Variants in RILPL1 observed in about 807,000 individuals in gnomAD.
The protein encoded by RILPL1 is RILP-like protein 1.
Under a neutral mutation model 50.3 loss-of-function variants are expected in RILPL1, and 33 were observed. The ratio of observed to expected loss-of-function variants is 0.66; its 90% CI spans 0.50 to 0.88. RILPL1 has a LOEUF of 0.88. RILPL1 is among the 40% of genes least tolerant of loss of function. RILPL1 has a pLI of 0.00. For missense variants in RILPL1, 418 were observed against 542.5 expected (o/e 0.77, Z 2.28); for synonymous variants, 205 against 228.6 (o/e 0.90, Z 0.93).
intron 6 of RILPL1, chr12:123,475,009 T>C (rs1881495200): frequency 6.6e-6 from 1 of 152,454 alleles, no homozygotes; most frequent in Non-Finnish European, 1.5e-5. Flanking sequence ...AGATGCCTTT[T>C]CTCTGTGACA....
chr12:123,501,124 A>T (rs1372710645), intron 2 of RILPL1, among the ~76,000 whole-genome samples: 1 of 151,572 alleles, frequency 6.6e-6, no homozygotes, highest in Non-Finnish European at 1.5e-5. Context: ...TAAAAAGTAA[A>T]TAAAATTTAA....
At chr12:123,505,300 G>A (rs888106085) in intron 2 of RILPL1, among the ~76,000 whole-genome samples, 13 of 152,252 alleles carry the variant, frequency 8.5e-5, no homozygotes, top group African/African-American at 3.1e-4. Flanking sequence ...CCAAAGTGCT[G>A]GGATTACAGG....
At chr12:123,490,120 TC>T (rs1421635241) in intron 4 of RILPL1, among the ~76,000 whole-genome samples, 1 of 151,888 alleles carries the variant, frequency 6.6e-6, no homozygotes, top group Non-Finnish European at 1.5e-5. Context: ...CTCCCTCCAG[TC>T]CCTTCCTCCT....
intron 2 of RILPL1, among the ~76,000 whole-genome samples, chr12:123,503,783 C>T (rs1195622794): frequency 8.6e-5 from 13 of 151,852 alleles, no homozygotes; most frequent in Admixed American, 6.6e-4. Context: ...GGGTGGATCA[C>T]GAGGTCAGGA....
intron 6 of RILPL1, among the ~76,000 whole-genome samples, chr12:123,483,812 G>C (rs1882148410): frequency 6.6e-6 from 1 of 152,142 alleles, no homozygotes; most frequent in South Asian, 2.1e-4. Context: ...TCTCAGAGCT[G>C]AGGTCTCAAG....
chr12:123,521,641 G>A (rs1287940574), intron 2 of RILPL1, among the ~76,000 whole-genome samples: 11 of 13,762 alleles, frequency 8.0e-4, no homozygotes, highest in South Asian at 2.5e-3. Context: ...ACACATATGT[G>A]TATATATATA....
intron 1 of RILPL1, among the ~76,000 whole-genome samples, chr12:123,524,891 G>C (rs1225758441): frequency 1.3e-5 from 2 of 152,156 alleles, no homozygotes; most frequent in African/African-American, 4.8e-5. Context: ...CCAGCACTTG[G>C]GAGGCCAAGG....
At chr12:123,477,234 G>A (rs1488873275) in intron 6 of RILPL1, among the ~76,000 whole-genome samples, 1 of 151,900 alleles carries the variant, frequency 6.6e-6, no homozygotes, top group Non-Finnish European at 1.5e-5. Flanking sequence ...TAAAATAATT[G>A]TCTCAAATGA....
rs1214389210 is a variant in RILPL1, at chr12:123,485,988, G to A, written c.802-183C>T. Among the ~76,000 whole-genome samples the A allele has an allele frequency of 6.6e-6, 1 of 152,176 alleles. No homozygotes were observed. The highest frequency in any genetic ancestry group is 1.5e-5 in the Non-Finnish European group (1 of 68,034). ...GTACAGTTTCCCTCTGGAGGTGGAAGCCAGCAGCCACCTGTTCATTGTTCG... is the reference window on the plus strand; with the variant it reads ...GTACAGTTTCCCTCTGGAGGTGGAAACCAGCAGCCACCTGTTCATTGTTCG... On this transcript the variant is annotated intron_variant, in intron 4 of 6. Transcript: ENST00000376874. The surrounding 1 kb of genome is among the most constrained non-coding windows in gnomAD (Gnocchi z 4.0).
In RILPL1 at chr12:123,489,048, T is replaced by C. The variant is rs1484741539; in HGVS notation, c.802-3243A>G. On this transcript the variant is annotated intron_variant, in intron 4 of 6. Coordinates refer to ENST00000376874, the MANE Select transcript of RILPL1 (RefSeq NM_178314.5). This position sits in a 1 kb window ranked among gnomAD's most constrained non-coding sequence, Gnocchi z 4.0. ...GACCACATACAACAGGTGACGGATA[T>C]GCGGCCGGCATTCAATCGCGCCAGT... Among the ~76,000 whole-genome samples the C allele has an allele frequency of 6.6e-6, 1 of 152,112 alleles. No homozygotes were observed. Among genetic ancestry groups the C allele is most frequent in the Non-Finnish European group, 1.5e-5 (1 of 68,012 alleles).
In RILPL1 at chr12:123,511,288, GTA is replaced by G. The variant is rs1367951393; in HGVS notation, c.461-11754_461-11753del. ...TGTGTGTGGTGTGTGCAGTGTGAGT[GTA>G]TGTCTGTGCGGTGGCATCTGTGTGT... On this transcript the variant is annotated intron_variant, in intron 2 of 6. Transcript: ENST00000376874. Among the ~76,000 whole-genome samples, 9 of 146,472 alleles carry G rather than the reference GTA, an allele frequency of 6.1e-5. No individual in the cohort carries two copies. The East Asian group carries it at 1.9e-3, about 31-fold the overall frequency.
At chr12:123,490,158 A>G (rs148187875) in intron 4 of RILPL1, among the ~76,000 whole-genome samples, 16 of 152,054 alleles carry the variant, frequency 1.1e-4, no homozygotes, top group Non-Finnish European at 2.2e-4. Context: ...TGCCTTTCAT[A>G]GCAGGTCAGG....
At position 123,481,559 on chromosome 12, in the gene RILPL1, C is replaced by CTT. The variant is rs113872165; in HGVS notation, c.1067+2619_1067+2620dup. ...TTAGTTCCTTAGCCAAATTTGTTTT[C>CTT]TTTTTTTTTTTTTTGAGGCGGAGTT... On this transcript the variant is annotated intron_variant, in intron 6 of 6. Transcript: ENST00000376874. Among the ~76,000 whole-genome samples the CTT allele has an allele frequency of 8.2e-3, 1,165 of 141,886 alleles. 21 individuals carry two copies. Among genetic ancestry groups the CTT allele is most frequent in the African/African-American group, 0.027 (1,059 of 38,830 alleles). The allele number at this position is 141,886 out of a possible 152,430, so 93.1% of individuals were successfully genotyped here. A position where few individuals can be genotyped will look rare whatever the true frequency, so the allele number is the denominator to read the frequency against.
chr12:123,511,458 G>A (rs575687165), intron 2 of RILPL1, among the ~76,000 whole-genome samples: 3 of 147,740 alleles, frequency 2.0e-5, no homozygotes, highest in East Asian at 4.1e-4. Context: ...TGTGGTGTGT[G>A]TGTGAGGTCT....
chr12:123,523,377 G>T, intron 2 of RILPL1, 118 bp downstream of exon 2: 1 of 1,194,646 alleles, frequency 8.4e-7, no homozygotes. Flanking sequence ...GAAGGCAAAG[G>T]GCTTTGGGAA....
intron 2 of RILPL1, among the ~76,000 whole-genome samples, chr12:123,516,814 A>G (rs1324404095): frequency 6.6e-6 from 1 of 152,182 alleles, no homozygotes; most frequent in East Asian, 1.9e-4. Flanking sequence ...TAATCCCAGC[A>G]CTTTGGGAGA....
chr12:123,504,777 A>AT (rs966433181), intron 2 of RILPL1, among the ~76,000 whole-genome samples: 22 of 151,538 alleles, frequency 1.5e-4, no homozygotes, highest in Middle Eastern at 6.8e-3. Flanking sequence ...GCCCAGAGAT[A>AT]TTTTTTTTTC....
intron 2 of RILPL1, among the ~76,000 whole-genome samples, chr12:123,519,056 C>CAAAAAAA (rs71652717): frequency 6.2e-4 from 36 of 58,284 alleles, no homozygotes; most frequent in Admixed American, 1.1e-3. Context: ...GACTCCATCT[C>CAAAAAAA]AAAAAAAAAA....
rs184541763 is a variant in RILPL1, at chr12:123,532,617, G to A, written c.309+557C>T. Among the ~76,000 whole-genome samples the A allele has an allele frequency of 7.5e-5, 11 of 146,894 alleles. 1 individual carries two copies. The highest frequency in any genetic ancestry group is 5.8e-4 in the Admixed American group (8 of 13,796). On this transcript the variant is annotated intron_variant, in intron 1 of 6. Transcript: ENST00000376874. ...AGGTTCATAAGCTAGGGGAGTCCCG[G>A]GAAGAAAGTTGCAAATATGAACCCG... is the stretch of plus-strand genomic sequence containing the variant.
Sources: gnomAD v4.1 joint callset for allele counts (sites outside exome capture counted in the v4.1 genomes callset) on GRCh38, gnomAD v4.1.1 for gene constraint, Gnocchi (gnomAD v3.1) non-coding constraint, MANE v1.5 for transcripts, NCBI Gene and HGNC (gene_info 2026-07-23, HGNC 2026-07-21) for gene names.